The following DGKG variants were observed in gnomAD, a reference collection of about 807,000 sequenced individuals.
The protein encoded by DGKG is DAG kinase gamma.
DGKG carries 78 observed loss-of-function variants against 105.3 expected under a neutral mutation model. The ratio of observed to expected loss-of-function variants is 0.74; its 90% CI spans 0.62 to 0.89. The LOEUF is 0.89. DGKG is among the 40% of genes least tolerant of loss of function. The probability of loss-of-function intolerance (pLI) is 0.00; values close to 1 mark genes in which losing one functional copy is unlikely to be tolerated. For missense variants in DGKG, 958 were observed against 1,020.1 expected (o/e 0.94, Z 0.83); for synonymous variants, 346 against 367.1 (o/e 0.94, Z 0.66).
At chr3:186,261,825 G>A in intron 14 of DGKG, 47 bp from the exon 15 acceptor site, 3 of 1,267,926 alleles carry the variant, frequency 2.4e-6, no homozygotes, top group Non-Finnish European at 3.3e-6. Flanking sequence ...CATCCAATAG[G>A]GGGCGTGAGA....
intron 2 of DGKG, chr3:186,313,559 T>A: frequency 1.0e-6 from 1 of 984,138 alleles, no homozygotes; most frequent in Non-Finnish European, 1.2e-6. Flanking sequence ...ATCTTGCAAC[T>A]AAAAGTGTGG....
At position 186,231,737 on chromosome 3, in the gene DGKG, G is replaced by A. The variant is rs982158172; in HGVS notation, c.1826+10767C>T. ...AGTTTGAGACCAGCCTGGCCAACAT[G>A]GTGAAACCCGCTCTCTACTAAAAAT... On this transcript the variant is annotated intron_variant, in intron 20 of 24. Coordinates refer to ENST00000265022, the MANE Select transcript of DGKG (RefSeq NM_001346.3). This position sits in a 1 kb window ranked among gnomAD's most constrained non-coding sequence, Gnocchi z 4.5. Among the ~76,000 whole-genome samples, 3 of 152,094 alleles carry A rather than the reference G, an allele frequency of 2.0e-5. No homozygotes were observed. Among genetic ancestry groups the A allele is most frequent in the Non-Finnish European group, 2.9e-5 (2 of 68,014 alleles).
chr3:186,212,486 C>T (rs1015429556), intron 20 of DGKG, among the ~76,000 whole-genome samples: 1 of 152,172 alleles, frequency 6.6e-6, no homozygotes, highest in Non-Finnish European at 1.5e-5. Context: ...ATAATCACCT[C>T]CCCTCTTCCT....
intron 3 of DGKG, among the ~76,000 whole-genome samples, chr3:186,303,311 T>G (rs1449157793): frequency 6.6e-6 from 1 of 152,160 alleles, no homozygotes; most frequent in Non-Finnish European, 1.5e-5. Context: ...CTATGAGGCA[T>G]GCTGGCAATT....
At chr3:186,287,939 C>T (rs535500675) in intron 6 of DGKG, among the ~76,000 whole-genome samples, 1 of 152,152 alleles carries the variant, frequency 6.6e-6, no homozygotes, top group Non-Finnish European at 1.5e-5. Flanking sequence ...GAAGCAAAGA[C>T]AATACAGATT....
intron 23 of DGKG, among the ~76,000 whole-genome samples, 172 bp downstream of exon 23, chr3:186,164,726 G>A (rs998726086): frequency 2.0e-5 from 3 of 152,204 alleles, no homozygotes; most frequent in East Asian, 1.9e-4. Flanking sequence ...TTAGATGGGC[G>A]CATTATATCC....
At position 186,149,346 on chromosome 3, in the gene DGKG, C is replaced by T. The variant is rs2108464482; in HGVS notation, c.*744G>A. The T allele has an allele frequency of 4.1e-6, 4 of 985,298 alleles. No homozygotes were observed. Among genetic ancestry groups the T allele is most frequent in the Non-Finnish European group, 4.8e-6 (4 of 829,922 alleles). The allele number at this position is 985,298 out of a possible 1,614,324, so 61.0% of individuals were successfully genotyped here. ...GTTCACAGAACTAAGAAAATAAATACCACATCTAAGGTGTGCTATGCAGGC... is the reference window on the plus strand; with the variant it reads ...GTTCACAGAACTAAGAAAATAAATATCACATCTAAGGTGTGCTATGCAGGC... On this transcript the variant is annotated 3_prime_UTR_variant, in exon 25 of 25. Transcript: ENST00000265022.
intron 21 of DGKG, 38 bp downstream of exon 21, chr3:186,211,757 C>G: frequency 1.0e-5 from 15 of 1,492,330 alleles, no homozygotes; most frequent in Non-Finnish European, 1.4e-5. Flanking sequence ...GGAGCAGAAC[C>G]AAGATCCAGG....
chr3:186,233,913 A>C (rs1032171413), intron 20 of DGKG, among the ~76,000 whole-genome samples: 12 of 152,214 alleles, frequency 7.9e-5, no homozygotes, highest in Non-Finnish European at 1.8e-4. Flanking sequence ...GGTCAAGGTC[A>C]CACATAGTGG....
rs140453619 is a variant in DGKG, at chr3:186,148,681, C to G, written c.*1409G>C. ...GAAAAGTCTCTGAACTTTTCTGAGACTCAATTTTCTTATCTGACAAATGGG... is the reference window on the plus strand; with the variant it reads ...GAAAAGTCTCTGAACTTTTCTGAGAGTCAATTTTCTTATCTGACAAATGGG... On this transcript the variant is annotated 3_prime_UTR_variant, in exon 25 of 25. Transcript: ENST00000265022. 8.2e-4 allele frequency: 808 copies of G among 984,932 alleles called. 9 individuals carry two copies. The African/African-American group carries it at 0.013, about 16-fold the overall frequency. The allele number at this position is 984,932 out of a possible 1,614,324, so 61.0% of individuals were successfully genotyped here. A position where few individuals can be genotyped will look rare whatever the true frequency, so the allele number is the denominator to read the frequency against.
At chr3:186,193,514 C>T (rs4686745) in intron 21 of DGKG, among the ~76,000 whole-genome samples, 72,749 of 152,226 alleles carry the variant, frequency 0.48, 20,433 homozygotes, top group East Asian at 0.74. Flanking sequence ...GGCATCTTAA[C>T]GGCCTCTTGG....
chr3:186,327,385 T>C (rs1725393077), intron 1 of DGKG, among the ~76,000 whole-genome samples: 1 of 142,436 alleles, frequency 7.0e-6, no homozygotes, highest in Admixed American at 6.9e-5. Context: ...ATTCTTTTTC[T>C]TCTTCTTTTT....
At chr3:186,319,612 C>T (rs978442220) in intron 2 of DGKG, among the ~76,000 whole-genome samples, 2 of 152,182 alleles carry the variant, frequency 1.3e-5, no homozygotes, top group African/African-American at 4.8e-5. Context: ...CCTGGAAAGT[C>T]AGTGCCATGC....
chr3:186,215,688 C>G (rs767432467), intron 20 of DGKG, among the ~76,000 whole-genome samples: 15 of 151,852 alleles, frequency 9.9e-5, no homozygotes, highest in African/African-American at 2.4e-5. Context: ...GACTCACAAG[C>G]TAAAATTTAG....
chr3:186,280,256 T>G (rs909549433), intron 8 of DGKG, among the ~76,000 whole-genome samples: 4 of 152,214 alleles, frequency 2.6e-5, no homozygotes, highest in African/African-American at 9.7e-5. Flanking sequence ...TAGCAGGGAT[T>G]AGAGAAAATG....
chr3:186,227,211 T>A (rs1397220430), intron 20 of DGKG, among the ~76,000 whole-genome samples: 1 of 152,218 alleles, frequency 6.6e-6, no homozygotes, highest in African/African-American at 2.4e-5. Flanking sequence ...TACAATGGAT[T>A]CTCATATACT....
intron 1 of DGKG, among the ~76,000 whole-genome samples, chr3:186,326,441 C>A (rs1288823106): frequency 2.0e-5 from 3 of 149,160 alleles, no homozygotes; most frequent in Non-Finnish European, 4.4e-5. Flanking sequence ...CACACACACA[C>A]CCCTCATCTC....
At chr3:186,282,875 T>C (rs1160364787) in intron 7 of DGKG, among the ~76,000 whole-genome samples, 6 of 151,824 alleles carry the variant, frequency 4.0e-5, no homozygotes, top group Non-Finnish European at 8.8e-5. Context: ...AGATCGTCAA[T>C]GGTTCTCCAT....
At chr3:186,269,969 A>C (rs1236203935) in intron 11 of DGKG, among the ~76,000 whole-genome samples, 1 of 152,132 alleles carries the variant, frequency 6.6e-6, no homozygotes, top group Non-Finnish European at 1.5e-5. Flanking sequence ...CAAAATTCTC[A>C]CTCAAAAATT....
Sources: gnomAD v4.1 joint callset for allele counts (sites outside exome capture counted in the v4.1 genomes callset) on GRCh38, gnomAD v4.1.1 for gene constraint, Gnocchi (gnomAD v3.1) non-coding constraint, MANE v1.5 for transcripts, NCBI Gene and HGNC (gene_info 2026-07-23, HGNC 2026-07-21) for gene names.